PDGFB: variants seen among roughly 807,000 people sequenced by gnomAD.
PDGFB encodes platelet derived growth factor subunit B.
PDGFB carries 6 observed loss-of-function variants against 29.0 expected under a neutral mutation model. That is an observed-to-expected ratio of 0.21 (90% CI 0.11 to 0.41). The LOEUF (loss-of-function observed/expected upper bound fraction) is 0.41, where lower values mean the gene tolerates loss of function less well. Among genes scored for constraint, PDGFB ranks in the 10% least tolerant of loss-of-function variants. The pLI, the probability that PDGFB is intolerant of heterozygous loss-of-function variation, is 1.00. For missense variants in PDGFB, 299 were observed against 341.8 expected (o/e 0.87, Z 0.99); for synonymous variants, 144 against 140.8 (o/e 1.02, Z -0.16).
chr22:39,234,510 C>T (rs1388691836), intron 2 of PDGFB, among the ~76,000 whole-genome samples: 3 of 152,238 alleles, frequency 2.0e-5, no homozygotes, highest in Admixed American at 6.5e-5. Context: ...GTTCTGGCAC[C>T]GACCCACTGG....
In PDGFB at chr22:39,242,154, G is replaced by A. The variant is rs1008456685; in HGVS notation, c.63+1747C>T. On this transcript the variant is annotated intron_variant, in intron 1 of 6. Coordinates refer to ENST00000331163, the MANE Select transcript of PDGFB (RefSeq NM_002608.4). This position sits in a 1 kb window ranked among gnomAD's most constrained non-coding sequence, Gnocchi z 5.7. The stretch of plus-strand genomic sequence containing the variant: ...AGGGGCCGTGCGTGCGTTTGTGTGC[G>A]GTGCGCGCGCGTGTGTCCCGCGTGT... The A allele has an allele frequency of 1.5e-4, 33 of 222,028 alleles. 1 individual carries two copies. The Admixed American group carries it at 1.7e-3, about 11-fold the overall frequency. 13.8% of individuals were successfully genotyped at this position (222,028 alleles called of 1,614,324 possible). A position where few individuals can be genotyped will look rare whatever the true frequency, so the allele number is the denominator to read the frequency against.
intron 1 of PDGFB, among the ~76,000 whole-genome samples, chr22:39,239,697 T>C (rs1932524314): frequency 6.6e-6 from 1 of 152,142 alleles, no homozygotes. Context: ...AAGCCAGCCG[T>C]GGGAGCCAAG....
At position 39,242,845 on chromosome 22, in the gene PDGFB, G is replaced by C. The variant is rs1241440355; in HGVS notation, c.63+1056C>G. 1 of 232,260 alleles carries C rather than the reference G, an allele frequency of 4.3e-6. No individual in the cohort carries two copies. The highest frequency in any genetic ancestry group is 1.8e-4 in the South Asian group (1 of 5,526). 14.4% of individuals were successfully genotyped at this position (232,260 alleles called of 1,614,324 possible). A position where few individuals can be genotyped will look rare whatever the true frequency, so the allele number is the denominator to read the frequency against. The stretch of plus-strand genomic sequence containing the variant: ...GGCCGCAGCCGGGCGGAGGTGGGAC[G>C]GTACCCAGTCACGCCGCGCTCCCGG... On this transcript the variant is annotated intron_variant, in intron 1 of 6. Coordinates refer to ENST00000331163, the MANE Select transcript of PDGFB (RefSeq NM_002608.4). This position sits in a 1 kb window ranked among gnomAD's most constrained non-coding sequence, Gnocchi z 5.7.
At position 39,228,584 on chromosome 22, in the gene PDGFB, C is replaced by T. The variant is rs911723875; in HGVS notation, c.601+1500G>A. On this transcript the variant is annotated intron_variant, in intron 5 of 6. Transcript: ENST00000331163. ...CTCCAGCCTGGGTGATGGAGAGAGA[C>T]CCTGTCTCTTAAAAAAGAAAGAGGC... Among the ~76,000 whole-genome samples, 3 of 149,406 alleles carry T rather than the reference C, an allele frequency of 2.0e-5. No homozygotes were observed. In the East Asian group the frequency reaches 6.1e-4, roughly 30 times the overall value.
In PDGFB at chr22:39,242,742, C is replaced by T. The variant is rs1932597678; in HGVS notation, c.63+1159G>A. Among the ~76,000 whole-genome samples, 1 of 152,104 alleles carries T rather than the reference C, an allele frequency of 6.6e-6. No homozygotes were observed. The highest frequency in any genetic ancestry group is 2.4e-5 in the African/African-American group (1 of 41,444). On this transcript the variant is annotated intron_variant, in intron 1 of 6. Transcript: ENST00000331163. This position sits in a 1 kb window ranked among gnomAD's most constrained non-coding sequence, Gnocchi z 5.7. ...TTAACCCCTTCGCCGCCGCTGCCTC[C>T]TTCCTGCGCCTGGCTGGAGGCCGCA... is the stretch of plus-strand genomic sequence containing the variant.
rs560426150 is a variant in PDGFB, at chr22:39,243,847, G to A, written c.63+54C>T. The A allele has an allele frequency of 2.8e-6, 4 of 1,445,402 alleles. No individual in the cohort carries two copies. The highest frequency in any genetic ancestry group is 2.9e-6 in the Non-Finnish European group (3 of 1,045,660). 89.5% of individuals were successfully genotyped at this position (1,445,402 alleles called of 1,614,324 possible). A position where few individuals can be genotyped will look rare whatever the true frequency, so the allele number is the denominator to read the frequency against. On this transcript the variant is annotated intron_variant, in intron 1 of 6. Transcript: ENST00000331163. This position sits in a 1 kb window ranked among gnomAD's most constrained non-coding sequence, Gnocchi z 6.4. ...AGGGAGAGGAGGGGGCGGTCAGAAGGGGGGGGCGAAGGTAATGAATGAAGA... is the reference window on the plus strand; with the variant it reads ...AGGGAGAGGAGGGGGCGGTCAGAAGAGGGGGGCGAAGGTAATGAATGAAGA...
rs1019479012 is a variant in PDGFB at position 39,225,210 on chromosome 22, A to T, written c.*132T>A. 4.6e-5 allele frequency: 7 copies of T among 152,822 alleles called. 2 individuals carry two copies. The highest frequency in any genetic ancestry group is 4.6e-4 in the Admixed American group (7 of 15,284). 9.5% of individuals were successfully genotyped at this position (152,822 alleles called of 1,614,324 possible). On this transcript the variant is annotated 3_prime_UTR_variant, in exon 7 of 7. Transcript: ENST00000331163. ...CACGTGGAGGGGTGGGGGAAGCACC[A>T]TTGGCCGTCCGAATCAGGCATCGAG...
Position 39,243,284 on chromosome 22 carries a change from C to CTCTCTCTT in PDGFB, c.63+616_63+617insAAGAGAGA. 6.6e-6 allele frequency among the ~76,000 whole-genome samples: 1 copy of CTCTCTCTT among 152,086 alleles called. No homozygotes were observed. Among genetic ancestry groups the CTCTCTCTT allele is most frequent in the African/African-American group, 2.4e-5 (1 of 41,464 alleles). Reference sequence around the variant, plus strand: ...TCTCTCTCTCTCTCTTTCTCTCTCTCTCTCTCTCTCTCCCTGTTACTCCCA... The same window carrying CTCTCTCTT: ...TCTCTCTCTCTCTCTTTCTCTCTCTCTCTCTCTTTCTCTCTCTCTCCCTGTTACTCCCA... On this transcript the variant is annotated intron_variant, in intron 1 of 6. Coordinates refer to ENST00000331163, the MANE Select transcript of PDGFB (RefSeq NM_002608.4). The surrounding 1 kb of genome is among the most constrained non-coding windows in gnomAD (Gnocchi z 6.4).
At chr22:39,232,471 G>T (rs1932332908) in intron 3 of PDGFB, among the ~76,000 whole-genome samples, 1 of 152,160 alleles carries the variant, frequency 6.6e-6, no homozygotes, top group African/African-American at 2.4e-5. Context: ...ATAGATTGGG[G>T]GTGGAACTCA....
In PDGFB at chr22:39,231,851, C is replaced by T. The variant is rs777901828; in HGVS notation, c.251-24G>A. On this transcript the variant is annotated intron_variant, in intron 3 of 6. Coordinates refer to ENST00000331163, the MANE Select transcript of PDGFB (RefSeq NM_002608.4). This position sits in a 1 kb window ranked among gnomAD's most constrained non-coding sequence, Gnocchi z 4.3. ...ACCTGGGAGGAGACGAAACCTGGGT[C>T]AGGAGCGTAGGCCTGTCCAGAGTCC... 10 of 1,602,442 alleles carry T rather than the reference C, an allele frequency of 6.2e-6. No individual in the cohort carries two copies. In the South Asian group the frequency reaches 6.7e-5, roughly 11 times the overall value.
chr22:39,228,893 A>AAAAAATATATAT (rs1184799325), intron 5 of PDGFB, among the ~76,000 whole-genome samples: 23 of 132,520 alleles, frequency 1.7e-4, no homozygotes, highest in African/African-American at 5.5e-4. Context: ...CCTCAAAAAA[A>AAAAAATATATAT]ATATATATAT....
intron 1 of PDGFB, among the ~76,000 whole-genome samples, chr22:39,239,766 G>A (rs191469622): frequency 3.6e-4 from 55 of 152,306 alleles, no homozygotes; most frequent in Admixed American, 7.8e-4. Flanking sequence ...GGAAGGGCAC[G>A]AGCGAGCGTG....
intron 1 of PDGFB, chr22:39,241,260 G>A (rs1050777595): frequency 4.8e-6 from 2 of 420,140 alleles, no homozygotes; most frequent in South Asian, 5.4e-5. Flanking sequence ...CCTGCCGTCT[G>A]CTGAAAGATT....
At chr22:39,235,659 C>A in intron 2 of PDGFB, 119 bp downstream of exon 2, 1 of 716,132 alleles carries the variant, frequency 1.4e-6, no homozygotes, top group Non-Finnish European at 2.4e-6. Flanking sequence ...TCTCTCTGGG[C>A]TGCCATGGGC....
rs1211703991 is a variant in PDGFB, at chr22:39,243,991, C to A, written c.-28G>T. Reference sequence around the variant, plus strand: ...CGACTCCGGGCCCGGCCCCGCGGGGCCCCGGACGCGTAGATCGAGCGCGCC... The same window carrying A: ...CGACTCCGGGCCCGGCCCCGCGGGGACCCGGACGCGTAGATCGAGCGCGCC... On this transcript the variant is annotated 5_prime_UTR_variant, in exon 1 of 7. Coordinates refer to ENST00000331163, the MANE Select transcript of PDGFB (RefSeq NM_002608.4). This position sits in a 1 kb window ranked among gnomAD's most constrained non-coding sequence, Gnocchi z 6.4. 1.3e-6 allele frequency: 2 copies of A among 1,561,194 alleles called. No homozygotes were observed. The highest frequency in any genetic ancestry group is 1.2e-5 in the South Asian group (1 of 85,284).
intron 2 of PDGFB, among the ~76,000 whole-genome samples, chr22:39,233,875 T>C (rs1440485761): frequency 6.6e-6 from 1 of 152,158 alleles, no homozygotes; most frequent in Non-Finnish European, 1.5e-5. Context: ...AAGGCCAGTT[T>C]CCAGTGCCCC....
chr22:39,230,495 T>G (rs1932273756), intron 4 of PDGFB, among the ~76,000 whole-genome samples: 1 of 152,212 alleles, frequency 6.6e-6, no homozygotes, highest in Admixed American at 6.5e-5. Flanking sequence ...GAAAGGCATT[T>G]CCGGGTTGAG....
intron 1 of PDGFB, chr22:39,241,205 T>G (rs1298364003): frequency 2.1e-6 from 1 of 476,308 alleles, no homozygotes; most frequent in East Asian, 3.5e-5. Flanking sequence ...AGATGGCACC[T>G]CAGAGGCCTC....
In PDGFB at chr22:39,243,505, G is replaced by A. The variant is rs1456729279; in HGVS notation, c.63+396C>T. ...CTGGGCAAGCCGATGGCAGGACAGA[G>A]CCTAAGCCGAGGCTGGCGCCGAAGT... On this transcript the variant is annotated intron_variant, in intron 1 of 6. Coordinates refer to ENST00000331163, the MANE Select transcript of PDGFB (RefSeq NM_002608.4). The surrounding 1 kb of genome is among the most constrained non-coding windows in gnomAD (Gnocchi z 6.4). Among the ~76,000 whole-genome samples the A allele has an allele frequency of 6.6e-6, 1 of 152,210 alleles. No homozygotes were observed. Among genetic ancestry groups the A allele is most frequent in the African/African-American group, 2.4e-5 (1 of 41,450 alleles).
Sources: allele counts gnomAD v4.1 joint callset (sites outside exome capture counted in the v4.1 genomes callset), GRCh38; gene constraint gnomAD v4.1.1; non-coding constraint Gnocchi (gnomAD v3.1); transcripts MANE v1.5; gene names NCBI Gene and HGNC (gene_info 2026-07-23, HGNC 2026-07-21).